TTC21B: variants seen among roughly 807,000 people sequenced by gnomAD.
TTC21B encodes tetratricopeptide repeat protein 21B.
TTC21B carries 127 observed loss-of-function variants against 175.1 expected under a neutral mutation model. The observed-to-expected ratio is 0.73, with a 90% confidence interval of 0.63 to 0.84. TTC21B has a LOEUF of 0.84. TTC21B is among the 40% of genes least tolerant of loss of function. TTC21B has a pLI of 0.00. For synonymous variants in TTC21B, 524 were observed against 524.5 expected, an observed-to-expected ratio of 1.00 and a Z score of 0.01; for missense variants, 1,561 against 1,558.3, an observed-to-expected ratio of 1.00 and a Z score of -0.03.
chr2:165,915,070 A>C (rs1686112648), intron 15 of TTC21B, 131 bp downstream of exon 15: 5 of 763,568 alleles, frequency 6.5e-6, no homozygotes, highest in Admixed American at 2.0e-5. Flanking sequence ...TGGTAGAAGG[A>C]ATCAGGACCA....
rs370124918 is a variant in TTC21B, at chr2:165,930,065, T to C, written c.1087+107A>G. 1.1e-5 allele frequency: 12 copies of C among 1,077,292 alleles called. No homozygotes were observed. The African/African-American group carries it at 1.1e-4, about 10-fold the overall frequency. 66.7% of individuals were successfully genotyped at this position (1,077,292 alleles called of 1,614,324 possible). On this transcript the variant is annotated intron_variant, in intron 9 of 28. Transcript: ENST00000243344. Reference sequence around the variant, plus strand: ...TCGAGTGTGGGCAGTAGAGAACAATTTAAGTTTAGAAAACCACAAAATCCA... The same window carrying C: ...TCGAGTGTGGGCAGTAGAGAACAATCTAAGTTTAGAAAACCACAAAATCCA...
Position 165,919,328 on chromosome 2 carries a change from T to C in TTC21B, c.1622A>G (p.Lys541Arg). 1 of 1,614,116 alleles carries C rather than the reference T, an allele frequency of 6.2e-7. No individual in the cohort carries two copies. The highest frequency in any genetic ancestry group is 8.5e-7 in the Non-Finnish European group (1 of 1,179,986). Residue 541 changes from lysine to arginine, a missense_variant, in exon 13 of 29, where the codon AAA becomes AGA. Transcript: ENST00000243344. Reference protein sequence around the residue: ...LLAQVYLSQEKVKLCSQSLEL... With the variant: ...LLAQVYLSQERVKLCSQSLEL... ...AAGAGACTGAGAACACAATTTGACT[T>C]TTTCTTGAGACAAGTAAACCTGAGC...
At chr2:165,946,169 C>CAA (rs3032577) in intron 3 of TTC21B, among the ~76,000 whole-genome samples, 1 of 116,604 alleles carries the variant, frequency 8.6e-6, no homozygotes, top group African/African-American at 3.6e-5. Flanking sequence ...ACTAAAGATA[C>CAA]AAAAAAAAAA....
intron 4 of TTC21B, among the ~76,000 whole-genome samples, chr2:165,945,136 T>C (rs1361149079): frequency 6.6e-6 from 1 of 152,226 alleles, no homozygotes; most frequent in Non-Finnish European, 1.5e-5. Context: ...AAGCAAAGTT[T>C]ATGTATTATT....
chr2:165,938,944 A>G (rs896519392), intron 6 of TTC21B, among the ~76,000 whole-genome samples: 1 of 152,184 alleles, frequency 6.6e-6, no homozygotes, highest in Non-Finnish European at 1.5e-5. Context: ...TGATATTAAA[A>G]AGCTATTTTT....
At position 165,888,304 on chromosome 2, in the gene TTC21B, G is replaced by A. The variant is rs777773735; in HGVS notation, c.3434C>T (p.Thr1145Ile). 2 of 1,613,526 alleles carry A rather than the reference G, an allele frequency of 1.2e-6. No individual in the cohort carries two copies. The highest frequency in any genetic ancestry group is 1.1e-5 in the South Asian group (1 of 91,066). Residue 1145 changes from threonine (T) to isoleucine (I), a missense_variant, in exon 25 of 29, where the codon ACC becomes ATC. Transcript: ENST00000243344. ...QKSNVEQALN[T>I]FTEIAASEKE... Reference sequence around the variant, plus strand: ...CTCAGATGCTGCTATTTCAGTGAAGGTATTTAATGCTTGTTCAACATTAGA... The same window carrying A: ...CTCAGATGCTGCTATTTCAGTGAAGATATTTAATGCTTGTTCAACATTAGA...
chr2:165,881,735 A>T (rs1369094860), intron 26 of TTC21B, among the ~76,000 whole-genome samples: 1 of 152,152 alleles, frequency 6.6e-6, no homozygotes, highest in African/African-American at 2.4e-5. Context: ...GCATAAAAAC[A>T]TGGATGCATG....
At chr2:165,916,951 A>G (rs556255112) in intron 14 of TTC21B, among the ~76,000 whole-genome samples, 38 of 152,200 alleles carry the variant, frequency 2.5e-4, no homozygotes, top group Non-Finnish European at 3.4e-4. Context: ...ATCTCGGCTC[A>G]CTGCAACCTC....
chr2:165,909,315 CGTT>C (rs1176572287), intron 18 of TTC21B, among the ~76,000 whole-genome samples: 2 of 151,712 alleles, frequency 1.3e-5, no homozygotes, highest in Non-Finnish European at 2.9e-5. Flanking sequence ...AGTTTCATAA[CGTT>C]AGGATTAGGG....
In TTC21B at chr2:165,880,871, T is replaced by C. The variant is rs16851206; in HGVS notation, c.3685-72A>G. The C allele has an allele frequency of 6.2e-3, 9,152 of 1,482,316 alleles. 446 individuals carry two copies. In the African/African-American group the frequency reaches 0.11, roughly 17 times the overall value. The allele number at this position is 1,482,316 out of a possible 1,614,324, so 91.8% of individuals were successfully genotyped here. On this transcript the variant is annotated intron_variant, in intron 26 of 28. Transcript: ENST00000243344. ...AGATTTTATGGGATGTTTGTGACTA[T>C]AGAGGTCAATCATATCAACCCATTT...
chr2:165,895,560 A>T (rs1243822391), intron 22 of TTC21B, among the ~76,000 whole-genome samples: 1 of 152,220 alleles, frequency 6.6e-6, no homozygotes, highest in Non-Finnish European at 1.5e-5. Context: ...ACAGCTTGAG[A>T]TAGAATGAAT....
At chr2:165,878,289 G>A (rs1559035091) in intron 27 of TTC21B, among the ~76,000 whole-genome samples, 1 of 152,084 alleles carries the variant, frequency 6.6e-6, no homozygotes, top group Non-Finnish European at 1.5e-5. Flanking sequence ...GAAAGAAAAT[G>A]TGCACTGCAG....
At chr2:165,913,778 G>C (rs1215313287) in intron 15 of TTC21B, 132 bp from the exon 16 acceptor site, 1 of 695,650 alleles carries the variant, frequency 1.4e-6, no homozygotes, top group Non-Finnish European at 2.4e-6. Context: ...ATACCCAACA[G>C]TGTAATATTA....
intron 11 of TTC21B, among the ~76,000 whole-genome samples, chr2:165,928,462 A>C (rs138549175): frequency 6.6e-6 from 1 of 152,118 alleles, no homozygotes; most frequent in African/African-American, 2.4e-5. Context: ...CACGTTTGGA[A>C]TAGTAAACTT....
chr2:165,915,094 A>C (rs769315017), intron 15 of TTC21B, 107 bp downstream of exon 15: 16 of 921,918 alleles, frequency 1.7e-5, no homozygotes, highest in Non-Finnish European at 2.8e-5. Flanking sequence ...TCAGAAAACG[A>C]TCTGTAAAGT....
chr2:165,939,408 G>C (rs1275179377), intron 6 of TTC21B, among the ~76,000 whole-genome samples: 1 of 152,152 alleles, frequency 6.6e-6, no homozygotes, highest in Non-Finnish European at 1.5e-5. Flanking sequence ...TATCTTGAAA[G>C]TATCCTGCCT....
At position 165,949,601 on chromosome 2, in the gene TTC21B, T is replaced by C. The variant is rs201724720; in HGVS notation, c.145A>G (p.Met49Val). 1 of 1,613,810 alleles carries C rather than the reference T, an allele frequency of 6.2e-7. No homozygotes were observed. The highest frequency in any genetic ancestry group is 8.5e-7 in the Non-Finnish European group (1 of 1,179,866). ...TTTAATGATTAACACGTACCTTCCA[T>C]TAATGTGCCATAGGCATGATAAAAC... Reference protein sequence around the residue: ...FRFYHAYGTLMEGKTQEALRE... With the variant: ...FRFYHAYGTLVEGKTQEALRE... The change falls in exon 2 of 29, where the codon ATG (methionine) becomes GTG (valine). Residue 49 changes from methionine to valine, a missense_variant. Physicochemically the swap from Met to Val is conservative, Grantham distance 21. Transcript: ENST00000243344.
chr2:165,897,158 C>T (rs10211165), intron 22 of TTC21B, among the ~76,000 whole-genome samples: 81,151 of 151,978 alleles, frequency 0.53, 21,956 homozygotes, highest in Admixed American at 0.64. Flanking sequence ...AGAGAGAAAA[C>T]TAAAAACCGT....
intron 20 of TTC21B, among the ~76,000 whole-genome samples, chr2:165,900,181 G>A (rs1047827824): frequency 6.6e-6 from 1 of 151,934 alleles, no homozygotes; most frequent in African/African-American, 2.4e-5. Context: ...CCCATAACGG[G>A]GCCAAGTCAG....
Sources: allele counts gnomAD v4.1 joint callset (sites outside exome capture counted in the v4.1 genomes callset), GRCh38; gene constraint gnomAD v4.1.1; transcripts MANE v1.5; gene names NCBI Gene and HGNC (gene_info 2026-07-23, HGNC 2026-07-21).